PPM1B: variants seen among roughly 807,000 people sequenced by gnomAD.
PPM1B encodes protein phosphatase, Mg2+/Mn2+ dependent 1B.
Under a neutral mutation model 43.0 loss-of-function variants are expected in PPM1B, and 22 were observed. That is an observed-to-expected ratio of 0.51 (90% CI 0.37 to 0.73). PPM1B has a LOEUF of 0.73. Ranked by LOEUF, PPM1B falls within the 30% of genes least tolerant of loss-of-function variation. The pLI is 0.00. For missense variants in PPM1B, 632 were observed against 584.2 expected, an observed-to-expected ratio of 1.08 and a Z score of -0.84; for synonymous variants, 217 against 197.9, an observed-to-expected ratio of 1.10 and a Z score of -0.81.
chr2:44,233,565 CT>C, downstream of PPM1B: 3 of 985,616 alleles, frequency 3.0e-6, no homozygotes, highest in Non-Finnish European at 3.6e-6. Flanking sequence ...GTTGTGGATG[CT>C]TTGTAAACAT....
chr2:44,186,770 T>A (rs1668144315), intron 1 of PPM1B, among the ~76,000 whole-genome samples: 1 of 152,286 alleles, frequency 6.6e-6, no homozygotes, highest in Non-Finnish European at 1.5e-5. Flanking sequence ...AGGAATTTTC[T>A]GTGGTCTAGT....
At chr2:44,196,009 C>G (rs1668644420) in intron 1 of PPM1B, among the ~76,000 whole-genome samples, 2 of 152,192 alleles carry the variant, frequency 1.3e-5, no homozygotes, top group Admixed American at 1.3e-4. Flanking sequence ...GTGACCTTCT[C>G]CCCAGCCAGT....
At chr2:44,194,481 T>C (rs1668562452) in intron 1 of PPM1B, among the ~76,000 whole-genome samples, 1 of 152,096 alleles carries the variant, frequency 6.6e-6, no homozygotes, top group South Asian at 2.1e-4. Context: ...CCCAGCACTT[T>C]GGGAGGCCGA....
At chr2:44,182,176 A>G (rs780007149) in intron 1 of PPM1B, among the ~76,000 whole-genome samples, 5 of 152,214 alleles carry the variant, frequency 3.3e-5, no homozygotes, top group African/African-American at 9.6e-5. Flanking sequence ...AAATGGCTGT[A>G]TGTTATATCG....
Position 44,231,155 on chromosome 2 carries a change from C to A in PPM1B, c.*437C>A. 1.0e-6 allele frequency: 1 copy of A among 974,986 alleles called. No individual in the cohort carries two copies. Among genetic ancestry groups the A allele is most frequent in the Non-Finnish European group, 1.2e-6 (1 of 820,458 alleles). 60.4% of individuals were successfully genotyped at this position (974,986 alleles called of 1,614,324 possible). ...TATGTTTTCTTTAATAATTTTAGTT[C>A]TTCAAAGAATGGCTGATGCTGGCCT... On this transcript the variant is annotated 3_prime_UTR_variant, in exon 6 of 6. Transcript: ENST00000282412.
At chr2:44,223,043 GCTAGT>G (rs1161892785) in intron 5 of PPM1B, among the ~76,000 whole-genome samples, 1 of 152,016 alleles carries the variant, frequency 6.6e-6, no homozygotes, top group Admixed American at 6.6e-5. Flanking sequence ...CATTGCCAGG[GCTAGT>G]CTTGAACTCC....
intron 1 of PPM1B, among the ~76,000 whole-genome samples, chr2:44,190,496 C>CT (rs2104069213): frequency 6.6e-6 from 1 of 152,274 alleles, no homozygotes; most frequent in African/African-American, 2.4e-5. Flanking sequence ...GAAACTTACT[C>CT]TCATGTCTTT....
At chr2:44,213,152 T>A (rs1361703229) in intron 3 of PPM1B, among the ~76,000 whole-genome samples, 2 of 150,324 alleles carry the variant, frequency 1.3e-5, no homozygotes, top group East Asian at 1.9e-4. Flanking sequence ...AGAAGCTAAG[T>A]ATCATAATCT....
At position 44,230,508 on chromosome 2, in the gene PPM1B, T is replaced by G; in HGVS notation, c.1230T>G (p.Leu410=). 1 of 1,614,054 alleles carries G rather than the reference T, an allele frequency of 6.2e-7. No individual in the cohort carries two copies. The highest frequency in any genetic ancestry group is 8.5e-7 in the Non-Finnish European group (1 of 1,180,000). The change falls in exon 6 of 6, where the codon CTT becomes CTG. Residue 410 remains leucine (L), a synonymous_variant. Coordinates refer to ENST00000282412, the MANE Select transcript of PPM1B (RefSeq NM_002706.6). Reference sequence around the variant, plus strand: ...ATCATAGGGGAAACTACCGACAACTTCTGGAGGAGATGCTGACTAGTTACA... The same window carrying G: ...ATCATAGGGGAAACTACCGACAACTGCTGGAGGAGATGCTGACTAGTTACA... ...RINHRGNYRQ[L]LEEMLTSYRL...
intron 1 of PPM1B, among the ~76,000 whole-genome samples, chr2:44,191,690 A>C (rs967645483): frequency 6.6e-6 from 1 of 152,084 alleles, no homozygotes. Context: ...TATATATGTG[A>C]AAATTTCTCT....
At chr2:44,220,443 CTG>C (rs1669926719) in intron 5 of PPM1B, among the ~76,000 whole-genome samples, 1 of 151,948 alleles carries the variant, frequency 6.6e-6, no homozygotes, top group Non-Finnish European at 1.5e-5. Flanking sequence ...AACTATGAAA[CTG>C]GGGGGAAATG....
Position 44,230,794 on chromosome 2 carries a change from C to G in PPM1B, c.*76C>G. 3 of 1,516,714 alleles carry G rather than the reference C, an allele frequency of 2.0e-6. No homozygotes were observed. The highest frequency in any genetic ancestry group is 2.7e-5 in the South Asian group (2 of 73,934). The allele number at this position is 1,516,714 out of a possible 1,614,324, so 94.0% of individuals were successfully genotyped here. ...AAGTGTAATGTATGCATTTATATAA[C>G]TGTTTTGTTATTTGAATCTTGGAAA... On this transcript the variant is annotated 3_prime_UTR_variant, in exon 6 of 6. Coordinates refer to ENST00000282412, the MANE Select transcript of PPM1B (RefSeq NM_002706.6).
At chr2:44,244,192 A>C in intron 5 of PPM1B, 2 of 1,056,560 alleles carry the variant, frequency 1.9e-6, no homozygotes, top group Non-Finnish European at 2.4e-6. Flanking sequence ...AAAACCATAT[A>C]TATATATATA....
At chr2:44,213,509 T>A (rs1409531407) in intron 3 of PPM1B, among the ~76,000 whole-genome samples, 3 of 152,052 alleles carry the variant, frequency 2.0e-5, no homozygotes, top group Non-Finnish European at 2.9e-5. Flanking sequence ...AGTGTGAAGA[T>A]GTGTGATTTC....
chr2:44,236,759 TCTTC>T (rs1192666176), downstream of PPM1B, among the ~76,000 whole-genome samples: 1 of 152,198 alleles, frequency 6.6e-6, no homozygotes, highest in Non-Finnish European at 1.5e-5. Context: ...CAAATATTAT[TCTTC>T]CTTGTCTTGA....
intron 2 of PPM1B, among the ~76,000 whole-genome samples, chr2:44,204,282 C>T (rs1669067488): frequency 6.6e-6 from 1 of 152,104 alleles, no homozygotes; most frequent in African/African-American, 2.4e-5. Flanking sequence ...GCAATAAGAT[C>T]AAATATAATT....
downstream of PPM1B, chr2:44,234,170 G>C: frequency 1.0e-6 from 1 of 980,060 alleles, no homozygotes; most frequent in Non-Finnish European, 1.2e-6. Context: ...TAACCAAACT[G>C]TACAGGACAA....
At chr2:44,171,997 G>A (rs75308767) in intron 1 of PPM1B, among the ~76,000 whole-genome samples, 6,262 of 152,120 alleles carry the variant, frequency 0.041, 418 homozygotes, top group African/African-American at 0.14. Flanking sequence ...TGTGAAATAT[G>A]CCTTTCACAA....
At chr2:44,174,524 A>T (rs1420358070) in intron 1 of PPM1B, among the ~76,000 whole-genome samples, 1 of 152,176 alleles carries the variant, frequency 6.6e-6, no homozygotes, top group East Asian at 1.9e-4. Context: ...ATAGGAAAAA[A>T]CCTTGTCTTT....
Sources: gnomAD v4.1 joint callset for allele counts (sites outside exome capture counted in the v4.1 genomes callset) on GRCh38, gnomAD v4.1.1 for gene constraint, MANE v1.5 for transcripts, NCBI Gene and HGNC (gene_info 2026-07-23, HGNC 2026-07-21) for gene names.